The following NT5M variants were observed in gnomAD, a reference collection of about 807,000 sequenced individuals.
NT5M encodes 5',3'-nucleotidase, mitochondrial.
A neutral mutation model predicts 22.2 loss-of-function variants in NT5M; 22 were observed. That is an observed-to-expected ratio of 0.99 (90% CI 0.71 to 1.41). The LOEUF (loss-of-function observed/expected upper bound fraction) is 1.41, where lower values mean the gene tolerates loss of function less well. NT5M is among the 40% of genes most tolerant of loss of function. NT5M has a pLI of 0.00. For synonymous variants in NT5M, 167 were observed against 133.0 expected, an observed-to-expected ratio of 1.26 and a Z score of -1.76; for missense variants, 322 against 314.8, an observed-to-expected ratio of 1.02 and a Z score of -0.17.
intron 3 of NT5M, among the ~76,000 whole-genome samples, chr17:17,340,024 T>G (rs546552202): frequency 6.6e-6 from 1 of 152,370 alleles, no homozygotes; most frequent in Non-Finnish European, 1.5e-5. Flanking sequence ...TATTCCTTCC[T>G]TCTGTATATT....
intron 4 of NT5M, among the ~76,000 whole-genome samples, chr17:17,346,268 G>A (rs1247327788): frequency 1.3e-5 from 2 of 149,700 alleles, no homozygotes; most frequent in African/African-American, 5.1e-5. Flanking sequence ...TGTTGGGGGC[G>A]GGTGTATAAC....
chr17:17,329,258 G>A (rs181673627), intron 3 of NT5M, among the ~76,000 whole-genome samples: 126 of 152,326 alleles, frequency 8.3e-4, no homozygotes, highest in Middle Eastern at 3.4e-3. Context: ...GATTACAGGC[G>A]TGAGCCGCAG....
chr17:17,309,827 T>G (rs1440996313), intron 2 of NT5M, among the ~76,000 whole-genome samples: 3 of 149,966 alleles, frequency 2.0e-5, no homozygotes, highest in Admixed American at 2.0e-4. Context: ...CTTTTGTGGT[T>G]TTTGTTTTTT....
chr17:17,323,957 A>G (rs1567890269), intron 3 of NT5M, among the ~76,000 whole-genome samples: 2 of 152,092 alleles, frequency 1.3e-5, no homozygotes, highest in Admixed American at 6.5e-5. Context: ...CTCACTGCCA[A>G]GATCACTGGG....
chr17:17,323,021 C>T (rs1364569729), intron 2 of NT5M, among the ~76,000 whole-genome samples, 164 bp from the exon 3 acceptor site: 5 of 152,122 alleles, frequency 3.3e-5, no homozygotes, highest in African/African-American at 9.7e-5. Context: ...TGGGATAGGC[C>T]GACACCTCTG....
At chr17:17,328,764 T>G (rs1486529195) in intron 3 of NT5M, among the ~76,000 whole-genome samples, 1 of 152,156 alleles carries the variant, frequency 6.6e-6, no homozygotes, top group African/African-American at 2.4e-5. Flanking sequence ...CTGTGAGGTC[T>G]CTCACTTTAT....
At chr17:17,315,609 C>A (rs1255215203) in intron 2 of NT5M, among the ~76,000 whole-genome samples, 1 of 152,038 alleles carries the variant, frequency 6.6e-6, no homozygotes, top group Non-Finnish European at 1.5e-5. Flanking sequence ...AATGCCTGAG[C>A]CGGGCCAGGC....
chr17:17,322,619 G>A (rs1000031266), intron 2 of NT5M, among the ~76,000 whole-genome samples: 1 of 152,154 alleles, frequency 6.6e-6, no homozygotes, highest in African/African-American at 2.4e-5. Context: ...CTCCAGTAGC[G>A]AACGCCAGCC....
Position 17,347,043 on chromosome 17 carries a change from T to C in NT5M, c.*96T>C. 2.1e-6 allele frequency: 3 copies of C among 1,439,362 alleles called. No individual in the cohort carries two copies. The highest frequency in any genetic ancestry group is 1.9e-6 in the Non-Finnish European group (2 of 1,065,920). 89.2% of individuals were successfully genotyped at this position (1,439,362 alleles called of 1,614,324 possible). On this transcript the variant is annotated 3_prime_UTR_variant, in exon 5 of 5. Coordinates refer to ENST00000389022, the MANE Select transcript of NT5M (RefSeq NM_020201.4). Reference sequence around the variant, plus strand: ...AGTATGCTGGTCTGGGAGTCCCTCCTAGACTCCTGGGCCCCATGACCTCCT... The same window carrying C: ...AGTATGCTGGTCTGGGAGTCCCTCCCAGACTCCTGGGCCCCATGACCTCCT...
intron 2 of NT5M, among the ~76,000 whole-genome samples, chr17:17,315,964 C>G (rs184875678): frequency 4.0e-5 from 6 of 151,618 alleles, no homozygotes; most frequent in African/African-American, 1.5e-4. Flanking sequence ...ACTGTGTTAG[C>G]CAGAATGGTC....
chr17:17,306,549 G>T lies in NT5M; in HGVS notation c.274G>T (p.Ala92Ser), dbSNP rs763322504. The change falls in exon 2 of 5, where the codon GCC (alanine) becomes TCC (serine). Residue 92 changes from alanine (A) to serine (S), a missense_variant. Transcript: ENST00000389022. Reference sequence around the variant, plus strand: ...GCTTTTCTCAACTTCTCAGGAGAAGGCCATCAGCATTTGGGAGTCAAAGAA... The same window carrying T: ...GCTTTTCTCAACTTCTCAGGAGAAGTCCATCAGCATTTGGGAGTCAAAGAA... ...GRLRPGLSEKAISIWESKNFF... is the reference protein window; with the variant it reads ...GRLRPGLSEKSISIWESKNFF... 5 of 1,613,354 alleles carry T rather than the reference G, an allele frequency of 3.1e-6. No homozygotes were observed. The East Asian group carries it at 1.1e-4, about 36-fold the overall frequency.
At chr17:17,316,577 T>A (rs2049032268) in intron 2 of NT5M, among the ~76,000 whole-genome samples, 1 of 151,864 alleles carries the variant, frequency 6.6e-6, no homozygotes, top group Admixed American at 6.6e-5. Flanking sequence ...GGTTTCACCA[T>A]GTTGGCCAGG....
At chr17:17,315,761 T>G (rs1238505341) in intron 2 of NT5M, among the ~76,000 whole-genome samples, 4 of 138,870 alleles carry the variant, frequency 2.9e-5, no homozygotes, top group African/African-American at 1.1e-4. Flanking sequence ...TGTTTTTTTT[T>G]TTTTTTTTTT....
Position 17,303,544 on chromosome 17 carries a change from C to T in NT5M, c.-7C>T. The T allele has an allele frequency of 9.4e-7, 1 of 1,062,366 alleles. No homozygotes were observed. Among genetic ancestry groups the T allele is most frequent in the Non-Finnish European group, 1.1e-6 (1 of 880,538 alleles). 65.8% of individuals were successfully genotyped at this position (1,062,366 alleles called of 1,614,324 possible). A position where few individuals can be genotyped will look rare whatever the true frequency, so the allele number is the denominator to read the frequency against. ...CCCGCGCCCACGACGGGCCAGCGCG[C>T]TGGGCCATGATCCGGCTGGGCGGCT... On this transcript the variant is annotated 5_prime_UTR_variant, in exon 1 of 5. Transcript: ENST00000389022.
At chr17:17,314,608 G>A (rs2048986394) in intron 2 of NT5M, among the ~76,000 whole-genome samples, 1 of 152,152 alleles carries the variant, frequency 6.6e-6, no homozygotes, top group Non-Finnish European at 1.5e-5. Context: ...GCTTCATCTT[G>A]TGGTAAAATC....
intron 2 of NT5M, among the ~76,000 whole-genome samples, chr17:17,311,288 A>G (rs1201379119): frequency 6.6e-6 from 1 of 151,658 alleles, no homozygotes; most frequent in East Asian, 1.9e-4. Context: ...CAGTGAGCCA[A>G]GATTGCGCCA....
intron 3 of NT5M, among the ~76,000 whole-genome samples, chr17:17,337,154 A>G (rs1278243985): frequency 6.6e-6 from 1 of 152,094 alleles, no homozygotes; most frequent in African/African-American, 2.4e-5. Context: ...CTGGGGTGAG[A>G]TGATATTTCC....
intron 3 of NT5M, among the ~76,000 whole-genome samples, chr17:17,325,929 T>C (rs1012639396): frequency 4.6e-5 from 7 of 152,222 alleles, no homozygotes; most frequent in Non-Finnish European, 8.8e-5. Context: ...AATGGGTTTG[T>C]GTTTTCGTCT....
intron 1 of NT5M, among the ~76,000 whole-genome samples, chr17:17,306,219 G>A (rs540732795): frequency 5.3e-5 from 8 of 152,120 alleles, no homozygotes; most frequent in African/African-American, 1.9e-4. Context: ...CAATGCTTTT[G>A]GCCACTCGAA....
Sources: gnomAD v4.1 joint callset for allele counts (sites outside exome capture counted in the v4.1 genomes callset) on GRCh38, gnomAD v4.1.1 for gene constraint, MANE v1.5 for transcripts, NCBI Gene and HGNC (gene_info 2026-07-23, HGNC 2026-07-21) for gene names.